GRID1: variants seen among roughly 807,000 people sequenced by gnomAD.
GRID1 encodes the protein glutamate ionotropic receptor delta type subunit 1, also known as glutamate receptor ionotropic, delta-1.
In GRID1, 28 loss-of-function variants were observed where a neutral mutation model predicts 98.0. That is an observed-to-expected ratio of 0.29 (90% CI 0.21 to 0.39). GRID1 has a LOEUF of 0.39. Among genes scored for constraint, GRID1 ranks in the 10% least tolerant of loss-of-function variants. The pLI is 1.00. For synonymous variants in GRID1, 553 were observed against 538.5 expected, an observed-to-expected ratio of 1.03 and a Z score of -0.37; for missense variants, 1,111 against 1,340.5, an observed-to-expected ratio of 0.83 and a Z score of 2.67.
At chr10:85,881,325 A>T (rs1023399412) in intron 5 of GRID1, among the ~76,000 whole-genome samples, 4 of 152,226 alleles carry the variant, frequency 2.6e-5, no homozygotes, top group Non-Finnish European at 4.4e-5. Context: ...AGTCAAGCCT[A>T]AGCCAAAAGA....
At chr10:86,217,789 G>A (rs1256740834) in intron 2 of GRID1, among the ~76,000 whole-genome samples, 1 of 152,090 alleles carries the variant, frequency 6.6e-6, no homozygotes, top group Non-Finnish European at 1.5e-5. Flanking sequence ...TGGCCTTTGG[G>A]CCAGCTGGTC....
chr10:85,802,454 C>G (rs1156900428), intron 8 of GRID1, among the ~76,000 whole-genome samples: 1 of 152,058 alleles, frequency 6.6e-6, no homozygotes, highest in African/African-American at 2.4e-5. Flanking sequence ...CTATAGAAAA[C>G]AGGAGGCATG....
intron 12 of GRID1, among the ~76,000 whole-genome samples, chr10:85,681,053 A>G (rs1379050713): frequency 6.6e-6 from 1 of 152,228 alleles, no homozygotes; most frequent in African/African-American, 2.4e-5. Flanking sequence ...GGTGATGACT[A>G]CACTAAAAAC....
intron 3 of GRID1, among the ~76,000 whole-genome samples, chr10:86,159,483 T>C (rs1048527824): frequency 6.6e-6 from 1 of 152,248 alleles, no homozygotes; most frequent in Admixed American, 6.5e-5. Flanking sequence ...TGCAGGTTTG[T>C]AGCCTAGGAG....
intron 5 of GRID1, among the ~76,000 whole-genome samples, chr10:85,882,380 C>A (rs970135171): frequency 6.6e-6 from 1 of 152,110 alleles, no homozygotes; most frequent in Non-Finnish European, 1.5e-5. Context: ...ACCCAAATGT[C>A]CAACAATGAT....
chr10:85,879,519 C>G (rs755630863), intron 5 of GRID1, among the ~76,000 whole-genome samples: 1 of 152,158 alleles, frequency 6.6e-6, no homozygotes, highest in Non-Finnish European at 1.5e-5. Flanking sequence ...TCCTGAATGA[C>G]TACTGGGGAC....
intron 12 of GRID1, among the ~76,000 whole-genome samples, chr10:85,711,579 A>G (rs1037630667): frequency 6.6e-6 from 1 of 151,914 alleles, no homozygotes; most frequent in Non-Finnish European, 1.5e-5. Context: ...GAATATACTT[A>G]GTGCCACTAA....
intron 2 of GRID1, among the ~76,000 whole-genome samples, chr10:86,274,790 A>C (rs1162149775): frequency 6.6e-6 from 1 of 151,586 alleles, no homozygotes; most frequent in African/African-American, 2.4e-5. Context: ...GAAGTTGCTT[A>C]TCAGCTTAAG....
At chr10:85,943,026 A>G (rs1842014192) in intron 4 of GRID1, among the ~76,000 whole-genome samples, 1 of 152,174 alleles carries the variant, frequency 6.6e-6, no homozygotes, top group Non-Finnish European at 1.5e-5. Context: ...CTATTATTCC[A>G]TTTTGATATC....
chr10:85,962,491 A>G (rs576880581), intron 4 of GRID1, among the ~76,000 whole-genome samples: 37 of 152,344 alleles, frequency 2.4e-4, no homozygotes, highest in Admixed American at 3.9e-4. Flanking sequence ...CAGAGAAGTT[A>G]CATTGCCTGG....
intron 12 of GRID1, among the ~76,000 whole-genome samples, chr10:85,684,446 T>C (rs1336746617): frequency 6.6e-6 from 1 of 152,208 alleles, no homozygotes; most frequent in Non-Finnish European, 1.5e-5. Context: ...TAGAACTATC[T>C]ATGTAATTTG....
chr10:86,053,582 G>A lies in GRID1; in HGVS notation c.726+85237C>T, dbSNP rs1589353264. Among the ~76,000 whole-genome samples the A allele has an allele frequency of 2.6e-5, 4 of 152,126 alleles. 1 individual carries two copies. In the South Asian group the frequency reaches 8.3e-4, roughly 32 times the overall value. The stretch of plus-strand genomic sequence containing the variant: ...TCGCCGTGTTGGCCAGGCTGGTCTC[G>A]AACTCAGGAGATCCGCCCGCCTCGG... On this transcript the variant is annotated intron_variant, in intron 4 of 15. Coordinates refer to ENST00000327946, the MANE Select transcript of GRID1 (RefSeq NM_017551.3).
intron 12 of GRID1, among the ~76,000 whole-genome samples, chr10:85,722,052 G>A (rs773400435): frequency 1.1e-4 from 16 of 152,242 alleles, no homozygotes; most frequent in Admixed American, 2.6e-4. Context: ...CAATAAAAAT[G>A]TCAATTTAAT....
At chr10:85,878,962 G>T (rs1287448829) in intron 5 of GRID1, among the ~76,000 whole-genome samples, 1 of 151,742 alleles carries the variant, frequency 6.6e-6, no homozygotes, top group Non-Finnish European at 1.5e-5. Context: ...AAAGGCAGGG[G>T]TTGCAATCCT....
At chr10:85,674,076 A>C (rs1040005248) in intron 12 of GRID1, among the ~76,000 whole-genome samples, 2 of 152,032 alleles carry the variant, frequency 1.3e-5, no homozygotes, top group African/African-American at 4.8e-5. Context: ...ACCTTTCTCT[A>C]CTTGACATAG....
intron 5 of GRID1, among the ~76,000 whole-genome samples, chr10:85,907,394 G>A (rs1387447615): frequency 1.3e-5 from 2 of 152,190 alleles, no homozygotes; most frequent in South Asian, 2.1e-4. Flanking sequence ...TTACAGGGGT[G>A]AGCCACCATG....
intron 13 of GRID1, among the ~76,000 whole-genome samples, chr10:85,623,475 A>G (rs1284196406): frequency 6.6e-6 from 1 of 152,188 alleles, no homozygotes; most frequent in Non-Finnish European, 1.5e-5. Flanking sequence ...GCCCCAAATA[A>G]TGATGAATTC....
chr10:85,763,803 G>A (rs948183394), intron 8 of GRID1, among the ~76,000 whole-genome samples: 8 of 152,172 alleles, frequency 5.3e-5, no homozygotes, highest in Admixed American at 3.3e-4. Context: ...CTACAGACAA[G>A]TGAAGTAATT....
chr10:86,076,713 G>A (rs1415019665), intron 4 of GRID1, among the ~76,000 whole-genome samples: 2 of 152,132 alleles, frequency 1.3e-5, no homozygotes, highest in Non-Finnish European at 2.9e-5. Flanking sequence ...ATTAGGTGAG[G>A]CCCACCCACA....
Sources: gnomAD v4.1 joint callset for allele counts (sites outside exome capture counted in the v4.1 genomes callset) on GRCh38, gnomAD v4.1.1 for gene constraint, MANE v1.5 for transcripts, NCBI Gene and HGNC (gene_info 2026-07-23, HGNC 2026-07-21) for gene names.